The following PID1 variants were observed in gnomAD, a reference collection of about 807,000 sequenced individuals.
PID1 encodes the protein PTB-containing, cubilin and LRP1-interacting protein.
A neutral mutation model predicts 19.1 loss-of-function variants in PID1; 10 were observed. The observed-to-expected ratio is 0.52, with a 90% CI of 0.32 to 0.89. The LOEUF is 0.89. PID1 is among the 40% of genes least tolerant of loss of function. PID1 has a pLI of 0.03. For missense variants in PID1, 248 were observed against 285.3 expected (o/e 0.87, Z 0.94); for synonymous variants, 130 against 116.0 (o/e 1.12, Z -0.78).
chr2:229,077,035 C>G (rs544678040), intron 2 of PID1, among the ~76,000 whole-genome samples: 4 of 152,300 alleles, frequency 2.6e-5, no homozygotes, highest in African/African-American at 9.6e-5. Flanking sequence ...ATTGCTATTT[C>G]TCCACATCCT....
chr2:229,096,716 A>G (rs190190898), intron 2 of PID1, among the ~76,000 whole-genome samples: 11 of 152,244 alleles, frequency 7.2e-5, no homozygotes, highest in South Asian at 4.1e-4. Context: ...GAAATTCAAG[A>G]CTGGCTTCTA....
At chr2:229,103,562 T>C (rs973069485) in intron 2 of PID1, among the ~76,000 whole-genome samples, 2 of 147,840 alleles carry the variant, frequency 1.4e-5, no homozygotes, top group Admixed American at 7.2e-5. Context: ...CCTAGACTTA[T>C]ATGCTGGAAT....
intron 1 of PID1, among the ~76,000 whole-genome samples, chr2:229,158,014 G>C (rs370012595): frequency 1.3e-5 from 2 of 152,122 alleles, no homozygotes; most frequent in Non-Finnish European, 2.9e-5. Context: ...TCACTGTTCC[G>C]ACAAAAACAA....
intron 2 of PID1, among the ~76,000 whole-genome samples, chr2:229,032,703 G>A (rs1174566494): frequency 1.3e-5 from 2 of 152,108 alleles, no homozygotes; most frequent in African/African-American, 4.8e-5. Flanking sequence ...ACAGGCATTG[G>A]GCATGAAACT....
At chr2:229,080,111 G>A (rs551245582) in intron 2 of PID1, among the ~76,000 whole-genome samples, 3 of 152,254 alleles carry the variant, frequency 2.0e-5, no homozygotes, top group African/African-American at 2.4e-5. Context: ...GCACCTCAGC[G>A]GCTGCCTGGC....
chr2:229,172,592 C>G (rs928134597), intron 1 of PID1, among the ~76,000 whole-genome samples: 3 of 152,128 alleles, frequency 2.0e-5, no homozygotes, highest in Admixed American at 6.6e-5. Context: ...TTTCTAAGGA[C>G]AGCAGTCATA....
At chr2:229,047,374 T>C (rs1023563728) in intron 2 of PID1, among the ~76,000 whole-genome samples, 3 of 152,170 alleles carry the variant, frequency 2.0e-5, no homozygotes, top group African/African-American at 7.2e-5. Context: ...GTATAGATGG[T>C]CTTTTGGTCC....
intron 2 of PID1, among the ~76,000 whole-genome samples, chr2:229,140,353 C>A (rs1689986498): frequency 6.6e-6 from 1 of 152,162 alleles, no homozygotes; most frequent in Non-Finnish European, 1.5e-5. Context: ...GGACACTTCA[C>A]CTGCGGGATC....
At chr2:229,214,435 T>G (rs1342934240) in intron 1 of PID1, among the ~76,000 whole-genome samples, 1 of 152,156 alleles carries the variant, frequency 6.6e-6, no homozygotes, top group African/African-American at 2.4e-5. Context: ...TACTCACTTC[T>G]TAAGAAGTAG....
At chr2:229,051,589 C>T (rs149452377) in intron 2 of PID1, among the ~76,000 whole-genome samples, 158 of 152,260 alleles carry the variant, frequency 1.0e-3, no homozygotes, top group African/African-American at 3.6e-3. Flanking sequence ...CTGCTTGCCT[C>T]GGCCTCCCAA....
intron 2 of PID1, among the ~76,000 whole-genome samples, chr2:229,038,307 T>C (rs1693703644): frequency 2.0e-5 from 3 of 152,288 alleles, no homozygotes; most frequent in Middle Eastern, 3.4e-3. Context: ...AGATAAATGG[T>C]TAAGTAAACT....
At chr2:229,195,907 A>G (rs1022662320) in intron 1 of PID1, among the ~76,000 whole-genome samples, 1 of 152,116 alleles carries the variant, frequency 6.6e-6, no homozygotes, top group Non-Finnish European at 1.5e-5. Flanking sequence ...TGCTCAGAAT[A>G]TATAGAACCC....
At chr2:229,142,392 T>G (rs1690033950) in intron 2 of PID1, among the ~76,000 whole-genome samples, 1 of 152,126 alleles carries the variant, frequency 6.6e-6, no homozygotes, top group South Asian at 2.1e-4. Flanking sequence ...GTATCGCCTC[T>G]CCTTCTCAAA....
intron 1 of PID1, among the ~76,000 whole-genome samples, chr2:229,186,169 G>T (rs1166018352): frequency 1.3e-5 from 2 of 152,300 alleles, no homozygotes; most frequent in Non-Finnish European, 2.9e-5. Flanking sequence ...AGGTCATGCT[G>T]ATGCAAAAGG....
intron 2 of PID1, among the ~76,000 whole-genome samples, chr2:229,059,683 A>G (rs1694172564): frequency 6.6e-6 from 1 of 152,242 alleles, no homozygotes; most frequent in Non-Finnish European, 1.5e-5. Context: ...TGTAAGTGCT[A>G]CGATGTGTTT....
At chr2:229,058,749 T>C (rs1456349782) in intron 2 of PID1, among the ~76,000 whole-genome samples, 1 of 136,030 alleles carries the variant, frequency 7.4e-6, no homozygotes, top group African/African-American at 2.7e-5. Flanking sequence ...AAAAAGTGAG[T>C]TCCATGAGGG....
intron 2 of PID1, among the ~76,000 whole-genome samples, chr2:229,120,494 G>A (rs1219152019): frequency 6.6e-6 from 1 of 151,800 alleles, no homozygotes; most frequent in Non-Finnish European, 1.5e-5. Context: ...GAAGAGGAGG[G>A]GTTGGTCTTG....
chr2:229,047,009 T>C (rs1693895896), intron 2 of PID1, among the ~76,000 whole-genome samples: 1 of 152,142 alleles, frequency 6.6e-6, no homozygotes, highest in East Asian at 1.9e-4. Context: ...TAGCTCCCAA[T>C]AAAAGAATAG....
At chr2:229,142,223 A>C (rs978030673) in intron 2 of PID1, among the ~76,000 whole-genome samples, 12 of 152,158 alleles carry the variant, frequency 7.9e-5, no homozygotes, top group African/African-American at 2.9e-4. Flanking sequence ...TACTTTATAA[A>C]TATCTCTTTA....
Sources: allele counts gnomAD v4.1 joint callset (sites outside exome capture counted in the v4.1 genomes callset), GRCh38; gene constraint gnomAD v4.1.1; transcripts MANE v1.5; gene names NCBI Gene and HGNC (gene_info 2026-07-23, HGNC 2026-07-21).